The following FBN2 variants were observed in gnomAD, a reference collection of about 807,000 sequenced individuals.
FBN2 encodes fibrillin 2, also known as fibrillin-2.
FBN2 carries 105 observed loss-of-function variants against 355.6 expected under a neutral mutation model. The ratio of observed to expected loss-of-function variants is 0.30; its 90% CI spans 0.25 to 0.35. The LOEUF is 0.35. FBN2 is among the 10% of genes least tolerant of loss of function. The pLI, the probability that FBN2 is intolerant of heterozygous loss-of-function variation, is 1.00. For missense variants in FBN2, 3,280 were observed against 3,758.7 expected, an observed-to-expected ratio of 0.87 and a Z score of 3.33; for synonymous variants, 1,350 against 1,301.2, an observed-to-expected ratio of 1.04 and a Z score of -0.81.
intron 31 of FBN2, among the ~76,000 whole-genome samples, chr5:128,334,011 T>A (rs1304660018): frequency 6.6e-6 from 1 of 151,746 alleles, no homozygotes; most frequent in African/African-American, 2.4e-5. Context: ...CTTGAAAAAA[T>A]ATCACACATA....
chr5:128,346,765 C>A (rs2126916239), intron 23 of FBN2, among the ~76,000 whole-genome samples: 1 of 152,212 alleles, frequency 6.6e-6, no homozygotes, highest in African/African-American at 2.4e-5. Context: ...ATGGCGAAAA[C>A]CCATCTCTAC....
chr5:128,345,047 A>C (rs549431881), intron 24 of FBN2, among the ~76,000 whole-genome samples: 18 of 152,224 alleles, frequency 1.2e-4, no homozygotes, highest in African/African-American at 4.3e-4. Flanking sequence ...TTTATTTCTC[A>C]CTACTTGTTT....
chr5:128,319,223 G>A (rs1750299100), intron 34 of FBN2, among the ~76,000 whole-genome samples: 1 of 151,890 alleles, frequency 6.6e-6, no homozygotes, highest in Admixed American at 6.6e-5. Flanking sequence ...CGTAAAATGA[G>A]TGTCTAGTAT....
chr5:128,263,834 G>A (rs993455778), intron 62 of FBN2, among the ~76,000 whole-genome samples, 178 bp from the exon 63 acceptor site: 2 of 152,086 alleles, frequency 1.3e-5, no homozygotes, highest in African/African-American at 4.8e-5. Context: ...CCCCTAAATT[G>A]TGGCTTTAAA....
intron 62 of FBN2, among the ~76,000 whole-genome samples, chr5:128,269,458 CA>C (rs796886141): frequency 1.9e-4 from 26 of 138,252 alleles, no homozygotes; most frequent in African/African-American, 3.7e-4. Flanking sequence ...GACTCCACCC[CA>C]AAAAAAAAAC....
intron 50 of FBN2, among the ~76,000 whole-genome samples, 171 bp downstream of exon 50, chr5:128,290,561 A>G (rs926311241): frequency 6.6e-5 from 10 of 152,246 alleles, no homozygotes; most frequent in African/African-American, 2.4e-4. Flanking sequence ...TGTCTTATTC[A>G]AAAGCTGAAA....
chr5:128,460,311 G>T (rs182836848), intron 6 of FBN2, among the ~76,000 whole-genome samples: 3 of 152,002 alleles, frequency 2.0e-5, no homozygotes, highest in East Asian at 3.9e-4. Context: ...GATGTGAAAG[G>T]CCTCTTAAAG....
chr5:128,362,580 C>G (rs1390194192), intron 18 of FBN2, among the ~76,000 whole-genome samples: 1 of 152,210 alleles, frequency 6.6e-6, no homozygotes, highest in Non-Finnish European at 1.5e-5. Context: ...CCTGCCACAG[C>G]CTTCCAAAAG....
intron 6 of FBN2, among the ~76,000 whole-genome samples, chr5:128,457,943 A>T (rs1185486027): frequency 1.3e-5 from 2 of 152,122 alleles, no homozygotes; most frequent in Non-Finnish European, 2.9e-5. Flanking sequence ...TGATAACCGG[A>T]TCAAATTCAC....
intron 39 of FBN2, among the ~76,000 whole-genome samples, chr5:128,310,804 C>A (rs1750032976): frequency 6.6e-6 from 1 of 152,022 alleles, no homozygotes; most frequent in South Asian, 2.1e-4. Flanking sequence ...TCTCCAGAAG[C>A]CCCCAGTTTA....
chr5:128,330,199 C>A (rs533451149), intron 33 of FBN2, among the ~76,000 whole-genome samples: 4 of 152,260 alleles, frequency 2.6e-5, no homozygotes, highest in Admixed American at 6.5e-5. Context: ...TCAGGACAGA[C>A]AAGTTAAGTA....
chr5:128,510,064 C>G (rs909957116), intron 5 of FBN2, among the ~76,000 whole-genome samples: 1 of 152,162 alleles, frequency 6.6e-6, no homozygotes, highest in Non-Finnish European at 1.5e-5. Flanking sequence ...TGTTTCCTCA[C>G]CAGGATTCTG....
chr5:128,455,978 G>T (rs1475710520), intron 6 of FBN2, among the ~76,000 whole-genome samples: 7 of 92,552 alleles, frequency 7.6e-5, no homozygotes, highest in African/African-American at 3.4e-4. Flanking sequence ...CTCCTTGGGG[G>T]AGGGTTAGCA....
intron 8 of FBN2, among the ~76,000 whole-genome samples, chr5:128,405,130 C>T (rs1467670275): frequency 6.6e-6 from 1 of 152,146 alleles, no homozygotes; most frequent in African/African-American, 2.4e-5. Flanking sequence ...GAGATGGTGC[C>T]ACTGCATTCC....
At chr5:128,466,115 T>C (rs1335107007) in intron 5 of FBN2, among the ~76,000 whole-genome samples, 1 of 152,216 alleles carries the variant, frequency 6.6e-6, no homozygotes, top group Non-Finnish European at 1.5e-5. Context: ...TTCAGCTTTG[T>C]TGTTGTTGCT....
intron 8 of FBN2, among the ~76,000 whole-genome samples, chr5:128,404,751 T>G (rs1475201101): frequency 6.6e-6 from 1 of 152,180 alleles, no homozygotes; most frequent in Non-Finnish European, 1.5e-5. Flanking sequence ...AACGCAGAAG[T>G]ACCTGTGACA....
intron 5 of FBN2, among the ~76,000 whole-genome samples, chr5:128,467,427 A>G (rs1754741465): frequency 6.6e-6 from 1 of 152,160 alleles, no homozygotes; most frequent in Non-Finnish European, 1.5e-5. Flanking sequence ...CTTATCTACT[A>G]ATTCAAGAAT....
At chr5:128,493,035 C>T (rs1755554279) in intron 5 of FBN2, among the ~76,000 whole-genome samples, 1 of 152,078 alleles carries the variant, frequency 6.6e-6, no homozygotes, top group Non-Finnish European at 1.5e-5. Context: ...GAGGCTTTAT[C>T]CATCTTAATT....
At position 128,327,797 on chromosome 5, in the gene FBN2, C is replaced by T. The variant is rs191853387; in HGVS notation, c.4471+899G>A. On this transcript the variant is annotated intron_variant, in intron 34 of 64. Transcript: ENST00000262464. Reference sequence around the variant, plus strand: ...GGGATTACAGGCATGAGCCACCATACCCAGCTAATTTTGTATTTTTAGTAG... The same window carrying T: ...GGGATTACAGGCATGAGCCACCATATCCAGCTAATTTTGTATTTTTAGTAG... Among the ~76,000 whole-genome samples, 4 of 152,208 alleles carry T rather than the reference C, an allele frequency of 2.6e-5. No homozygotes were observed. In the East Asian group the frequency reaches 7.7e-4, roughly 29 times the overall value.
Sources: allele counts gnomAD v4.1 joint callset (sites outside exome capture counted in the v4.1 genomes callset), GRCh38; gene constraint gnomAD v4.1.1; transcripts MANE v1.5; gene names NCBI Gene and HGNC (gene_info 2026-07-23, HGNC 2026-07-21).